The following AUTS2 variants were observed in gnomAD, a reference collection of about 807,000 sequenced individuals.
AUTS2 encodes activator of transcription and developmental regulator AUTS2.
AUTS2 carries 17 observed loss-of-function variants against 112.4 expected under a neutral mutation model. That is an observed-to-expected ratio of 0.15 (90% CI 0.10 to 0.23). The LOEUF (loss-of-function observed/expected upper bound fraction) is 0.23. Among genes scored for constraint, AUTS2 ranks in the 10% least tolerant of loss-of-function variants. AUTS2 has a pLI of 1.00. For synonymous variants in AUTS2, 751 were observed against 702.7 expected, an observed-to-expected ratio of 1.07 and a Z score of -1.09; for missense variants, 1,510 against 1,701.6, an observed-to-expected ratio of 0.89 and a Z score of 1.98.
chr7:70,435,718 G>A (rs767619118), intron 4 of AUTS2, 34 bp from the exon 5 acceptor site: 6 of 1,612,924 alleles, frequency 3.7e-6, no homozygotes, highest in East Asian at 2.2e-5. Context: ...CTCAGTTCTT[G>A]CACTAACCCT....
At chr7:69,692,367 C>G (rs529169100) in intron 1 of AUTS2, among the ~76,000 whole-genome samples, 30 of 152,260 alleles carry the variant, frequency 2.0e-4, no homozygotes, top group Non-Finnish European at 4.0e-4. Context: ...TCTGCTAGGG[C>G]TGTGAAATAC....
At chr7:69,796,716 C>T (rs534641112) in intron 1 of AUTS2, among the ~76,000 whole-genome samples, 3 of 152,084 alleles carry the variant, frequency 2.0e-5, no homozygotes, top group Admixed American at 1.3e-4. Context: ...AAATGCAGTT[C>T]TGTTATTTTT....
intron 5 of AUTS2, among the ~76,000 whole-genome samples, chr7:70,498,147 T>G (rs769900500): frequency 5.3e-5 from 8 of 152,174 alleles, no homozygotes; most frequent in Non-Finnish European, 8.8e-5. Context: ...GGAGCAAGTT[T>G]TGAGGATGTC....
At chr7:70,683,180 A>G (rs796317444) in intron 5 of AUTS2, among the ~76,000 whole-genome samples, 12 of 152,326 alleles carry the variant, frequency 7.9e-5, no homozygotes, top group African/African-American at 2.9e-4. Flanking sequence ...AGGAGAATGT[A>G]CCCACGCTCT....
At chr7:70,545,014 C>G (rs1268997675) in intron 5 of AUTS2, among the ~76,000 whole-genome samples, 1 of 152,216 alleles carries the variant, frequency 6.6e-6, no homozygotes, top group Non-Finnish European at 1.5e-5. Flanking sequence ...TCCTGAGAAG[C>G]CTCGCTTTGG....
At chr7:70,344,167 G>A (rs1187401800) in intron 4 of AUTS2, among the ~76,000 whole-genome samples, 1 of 152,088 alleles carries the variant, frequency 6.6e-6, no homozygotes, top group African/African-American at 2.4e-5. Flanking sequence ...CCCAGCCCTG[G>A]GTTTTTGTGC....
At chr7:70,779,733 G>A (rs1305023690) in intron 14 of AUTS2, among the ~76,000 whole-genome samples, 3 of 152,118 alleles carry the variant, frequency 2.0e-5, no homozygotes, top group Non-Finnish European at 4.4e-5. Flanking sequence ...GATGAGTCCG[G>A]GAGATCAGAA....
In AUTS2 at chr7:70,652,903, C is replaced by G. The variant is rs573464228; in HGVS notation, c.691-45666C>G. Among the ~76,000 whole-genome samples, 4 of 152,206 alleles carry G rather than the reference C, an allele frequency of 2.6e-5. No individual in the cohort carries two copies. In the South Asian group the frequency reaches 8.3e-4, roughly 32 times the overall value. On this transcript the variant is annotated intron_variant, in intron 5 of 18. Transcript: ENST00000342771. The stretch of plus-strand genomic sequence containing the variant: ...GATTCTTTTTTGTAATGTACATACT[C>G]TTTCCTGATATCGTTTATATGACAA...
chr7:70,724,911 G>C (rs1786938045), intron 6 of AUTS2, among the ~76,000 whole-genome samples: 1 of 152,136 alleles, frequency 6.6e-6, no homozygotes, highest in Non-Finnish European at 1.5e-5. Context: ...TTTTTGGGGA[G>C]GGAGTGAGTT....
intron 5 of AUTS2, among the ~76,000 whole-genome samples, chr7:70,648,533 A>G (rs1389081258): frequency 6.6e-6 from 1 of 152,152 alleles, no homozygotes; most frequent in Non-Finnish European, 1.5e-5. Context: ...AGATGTAGAA[A>G]CACGATATAA....
chr7:70,039,930 C>T (rs1364829954), intron 2 of AUTS2, among the ~76,000 whole-genome samples: 2 of 152,180 alleles, frequency 1.3e-5, no homozygotes, highest in Admixed American at 1.3e-4. Context: ...CATCTCTTCT[C>T]TCAAGGAGCT....
At chr7:70,007,619 A>AAG (rs1799605022) in intron 2 of AUTS2, among the ~76,000 whole-genome samples, 1 of 152,148 alleles carries the variant, frequency 6.6e-6, no homozygotes, top group African/African-American at 2.4e-5. Context: ...CAGTTCTATA[A>AAG]AGTAAGGATT....
At chr7:70,464,773 T>A (rs935701970) in intron 5 of AUTS2, among the ~76,000 whole-genome samples, 3 of 152,220 alleles carry the variant, frequency 2.0e-5, no homozygotes, top group Non-Finnish European at 2.9e-5. Context: ...TTGGTGAGGT[T>A]GAGGTAGGTC....
chr7:70,318,540 A>G (rs1012869526), intron 4 of AUTS2, among the ~76,000 whole-genome samples: 2 of 152,182 alleles, frequency 1.3e-5, no homozygotes, highest in African/African-American at 4.8e-5. Flanking sequence ...AAGCTGTCAT[A>G]TCAGGTTGAT....
intron 4 of AUTS2, among the ~76,000 whole-genome samples, chr7:70,348,909 T>C (rs1791626007): frequency 1.3e-5 from 2 of 152,230 alleles, no homozygotes; most frequent in African/African-American, 2.4e-5. Flanking sequence ...GGTCTAAATA[T>C]GTGCTCTATA....
intron 4 of AUTS2, among the ~76,000 whole-genome samples, chr7:70,281,338 C>T (rs986703899): frequency 3.9e-5 from 6 of 152,274 alleles, no homozygotes; most frequent in South Asian, 4.2e-4. Context: ...TAATACAGAG[C>T]GAAACATATC....
intron 6 of AUTS2, among the ~76,000 whole-genome samples, chr7:70,745,940 T>A (rs902096859): frequency 6.6e-6 from 1 of 152,254 alleles, no homozygotes; most frequent in Non-Finnish European, 1.5e-5. Flanking sequence ...TTTCTCATTA[T>A]GATTTTTTTC....
intron 1 of AUTS2, among the ~76,000 whole-genome samples, chr7:69,779,135 C>T (rs891803331): frequency 9.3e-5 from 14 of 150,180 alleles, no homozygotes; most frequent in African/African-American, 2.5e-4. Context: ...TCAAGTGATC[C>T]GTCTCTGCCT....
At chr7:70,716,862 T>TA (rs1810403630) in intron 6 of AUTS2, among the ~76,000 whole-genome samples, 2 of 152,052 alleles carry the variant, frequency 1.3e-5, no homozygotes, top group South Asian at 4.1e-4. Flanking sequence ...TTTCATGTGA[T>TA]ACTAAGACGT....
Sources: gnomAD v4.1 joint callset for allele counts (sites outside exome capture counted in the v4.1 genomes callset) on GRCh38, gnomAD v4.1.1 for gene constraint, MANE v1.5 for transcripts, NCBI Gene and HGNC (gene_info 2026-07-23, HGNC 2026-07-21) for gene names.